LRP1B: variants seen among roughly 807,000 people sequenced by gnomAD.
LRP1B encodes low-density lipoprotein receptor-related protein 1B.
A neutral mutation model predicts 556.6 loss-of-function variants in LRP1B; 217 were observed. That is an observed-to-expected ratio of 0.39 (90% CI 0.35 to 0.44). The LOEUF is 0.44. Ranked by LOEUF, LRP1B falls within the 20% of genes least tolerant of loss-of-function variation. The pLI is 1.00. For synonymous variants in LRP1B, 2,047 were observed against 1,865.8 expected, an observed-to-expected ratio of 1.10 and a Z score of -2.50; for missense variants, 5,053 against 5,620.8, an observed-to-expected ratio of 0.90 and a Z score of 3.23.
At chr2:140,616,286 C>T (rs1466961546) in intron 41 of LRP1B, among the ~76,000 whole-genome samples, 4 of 151,842 alleles carry the variant, frequency 2.6e-5, no homozygotes, top group African/African-American at 9.7e-5. Flanking sequence ...GACAGAATTA[C>T]TAAAGAATGT....
intron 2 of LRP1B, among the ~76,000 whole-genome samples, chr2:141,544,704 C>G (rs555782536): frequency 1.7e-4 from 26 of 152,042 alleles, no homozygotes; most frequent in Non-Finnish European, 2.8e-4. Flanking sequence ...CTCACGTTGT[C>G]ACTGAGGCTG....
At chr2:141,795,487 A>C (rs1399869378) in intron 2 of LRP1B, among the ~76,000 whole-genome samples, 2 of 152,112 alleles carry the variant, frequency 1.3e-5, no homozygotes, top group Non-Finnish European at 2.9e-5. Context: ...TTTTAAGTTT[A>C]GAAATTTAGT....
intron 41 of LRP1B, among the ~76,000 whole-genome samples, chr2:140,696,949 A>C (rs1053385986): frequency 3.9e-5 from 6 of 152,192 alleles, no homozygotes; most frequent in African/African-American, 1.4e-4. Context: ...TTATTTATAT[A>C]TTCTTTAGAT....
At chr2:140,780,471 T>C (rs1383438395) in intron 32 of LRP1B, among the ~76,000 whole-genome samples, 1 of 152,140 alleles carries the variant, frequency 6.6e-6, no homozygotes, top group African/African-American at 2.4e-5. Context: ...ACATGGGTGA[T>C]TGAGTGAGGC....
intron 43 of LRP1B, among the ~76,000 whole-genome samples, chr2:140,550,691 C>T (rs894964647): frequency 4.6e-5 from 7 of 152,082 alleles, no homozygotes; most frequent in Admixed American, 6.6e-5. Flanking sequence ...AAATCTGAAA[C>T]GACTGCTAAT....
At chr2:141,728,671 G>A (rs1406029530) in intron 2 of LRP1B, among the ~76,000 whole-genome samples, 1 of 151,956 alleles carries the variant, frequency 6.6e-6, no homozygotes, top group Non-Finnish European at 1.5e-5. Context: ...GTAATACTTT[G>A]GGCCTCCTAG....
intron 11 of LRP1B, among the ~76,000 whole-genome samples, chr2:141,026,685 T>G (rs1455642262): frequency 6.6e-6 from 1 of 152,050 alleles, no homozygotes; most frequent in Non-Finnish European, 1.5e-5. Context: ...TTCTTAATAA[T>G]AATTTATCTA....
intron 7 of LRP1B, among the ~76,000 whole-genome samples, chr2:141,153,805 A>C (rs1243863639): frequency 6.6e-6 from 1 of 151,028 alleles, no homozygotes. Flanking sequence ...AACAGAAGAA[A>C]TAAGGATTCC....
intron 7 of LRP1B, among the ~76,000 whole-genome samples, chr2:141,182,243 G>C (rs1433752801): frequency 6.6e-6 from 1 of 151,994 alleles, no homozygotes; most frequent in African/African-American, 2.4e-5. Flanking sequence ...CTAGACAGAT[G>C]AAAGAAACAA....
intron 66 of LRP1B, among the ~76,000 whole-genome samples, chr2:140,420,285 C>A (rs938581425): frequency 6.6e-6 from 1 of 151,910 alleles, no homozygotes; most frequent in Non-Finnish European, 1.5e-5. Context: ...AGCAAATAAG[C>A]CCACAAAATG....
At chr2:140,316,162 A>G (rs1445068513) in intron 82 of LRP1B, among the ~76,000 whole-genome samples, 4 of 152,180 alleles carry the variant, frequency 2.6e-5, no homozygotes, top group South Asian at 4.1e-4. Context: ...GCTGTGAGCA[A>G]CATAGAGTGT....
At chr2:140,749,933 C>T (rs1688512201) in intron 35 of LRP1B, among the ~76,000 whole-genome samples, 1 of 152,098 alleles carries the variant, frequency 6.6e-6, no homozygotes, top group African/African-American at 2.4e-5. Flanking sequence ...ATGTCTTGCG[C>T]TATGACATTA....
At position 140,536,722 on chromosome 2, in the gene LRP1B, A is replaced by C; in HGVS notation, c.7514-13T>G. On this transcript the variant is annotated splice_polypyrimidine_tract_variant and intron_variant, in intron 45 of 90. Coordinates refer to ENST00000389484, the MANE Select transcript of LRP1B (RefSeq NM_018557.3). The stretch of plus-strand genomic sequence containing the variant: ...GAGGAATTTTTAGCTGCAAGAAAAA[A>C]AAAAAAAGTCAATACTTTTGTGCAA... 6.3e-7 allele frequency: 1 copy of C among 1,580,612 alleles called. No homozygotes were observed. The highest frequency in any genetic ancestry group is 1.2e-5 in the South Asian group (1 of 84,462).
chr2:140,509,780 C>T (rs1689574375), intron 52 of LRP1B, 148 bp downstream of exon 52: 10 of 1,037,666 alleles, frequency 9.6e-6, no homozygotes, highest in Non-Finnish European at 1.4e-5. Context: ...GTGATACCGT[C>T]ATCCCACCTG....
chr2:140,370,623 C>T (rs2105164176), intron 71 of LRP1B, 87 bp downstream of exon 71: 1 of 1,481,740 alleles, frequency 6.7e-7, no homozygotes, highest in Non-Finnish European at 9.1e-7. Flanking sequence ...ATTCTATCCT[C>T]TGCCTCTAGC....
At chr2:141,195,914 A>AC (rs1480878137) in intron 6 of LRP1B, among the ~76,000 whole-genome samples, 1 of 152,072 alleles carries the variant, frequency 6.6e-6, no homozygotes, top group Admixed American at 6.6e-5. Flanking sequence ...TGGTATGTGA[A>AC]CTGAGCTCTG....
chr2:141,502,167 G>T (rs1450953420), intron 2 of LRP1B, among the ~76,000 whole-genome samples: 2 of 152,172 alleles, frequency 1.3e-5, no homozygotes, highest in Non-Finnish European at 2.9e-5. Context: ...TTTATGAAAT[G>T]AAACAACAGT....
intron 4 of LRP1B, among the ~76,000 whole-genome samples, chr2:141,253,652 A>G (rs938984111): frequency 6.6e-6 from 1 of 152,072 alleles, no homozygotes; most frequent in Admixed American, 6.6e-5. Context: ...CAAATTTAAG[A>G]TTCTAAGGTA....
intron 3 of LRP1B, among the ~76,000 whole-genome samples, chr2:141,318,216 CAA>C (rs1687100912): frequency 6.6e-6 from 1 of 152,066 alleles, no homozygotes; most frequent in Non-Finnish European, 1.5e-5. Context: ...TACACTAACA[CAA>C]AGATTTGTAA....
Sources: gnomAD v4.1 joint callset for allele counts (sites outside exome capture counted in the v4.1 genomes callset) on GRCh38, gnomAD v4.1.1 for gene constraint, MANE v1.5 for transcripts, NCBI Gene and HGNC (gene_info 2026-07-23, HGNC 2026-07-21) for gene names.